Variants in FTO observed in about 807,000 individuals in gnomAD.
The protein encoded by FTO is FTO alpha-ketoglutarate dependent dioxygenase.
A neutral mutation model predicts 63.9 loss-of-function variants in FTO; 47 were observed. That is an observed-to-expected ratio of 0.74 (90% CI 0.58 to 0.94). The LOEUF is 0.94. FTO is among the 40% of genes least tolerant of loss of function. The pLI is 0.00. For synonymous variants in FTO, 207 were observed against 224.4 expected (o/e 0.92, Z 0.69); for missense variants, 562 against 618.1 (o/e 0.91, Z 0.96).
chr16:53,791,671 G>C (rs1459925949), intron 1 of FTO, among the ~76,000 whole-genome samples: 3 of 152,172 alleles, frequency 2.0e-5, no homozygotes, highest in Non-Finnish European at 2.9e-5. Flanking sequence ...TGATATAATT[G>C]CAAGAGGAAA....
intron 2 of FTO, among the ~76,000 whole-genome samples, chr16:53,818,498 G>A (rs1033184388): frequency 4.2e-4 from 64 of 151,860 alleles, no homozygotes; most frequent in African/African-American, 1.5e-3. Flanking sequence ...TTTTAGTGCA[G>A]CATCTTCACT....
chr16:53,976,592 G>A (rs1409278579), intron 8 of FTO, among the ~76,000 whole-genome samples: 4 of 151,950 alleles, frequency 2.6e-5, no homozygotes, highest in Non-Finnish European at 5.9e-5. Flanking sequence ...GATTCCGATA[G>A]TCAGATTCCA....
At chr16:54,012,196 A>G (rs531738448) in intron 8 of FTO, among the ~76,000 whole-genome samples, 1 of 152,220 alleles carries the variant, frequency 6.6e-6, no homozygotes, top group Non-Finnish European at 1.5e-5. Context: ...AGAAAGGGAA[A>G]AACAGCCTTG....
chr16:53,794,156 A>G (rs748911181), intron 1 of FTO, among the ~76,000 whole-genome samples: 3 of 152,194 alleles, frequency 2.0e-5, no homozygotes, highest in African/African-American at 4.8e-5. Flanking sequence ...TAATTTCACA[A>G]TGTGAATCAG....
At chr16:53,923,367 A>G (rs1356857804) in intron 7 of FTO, among the ~76,000 whole-genome samples, 8 of 152,350 alleles carry the variant, frequency 5.3e-5, no homozygotes, top group Non-Finnish European at 1.2e-4. Flanking sequence ...GGGCTGTGCT[A>G]TACTAGCTCT....
At chr16:53,863,084 G>T (rs1278749024) in intron 4 of FTO, among the ~76,000 whole-genome samples, 1 of 152,164 alleles carries the variant, frequency 6.6e-6, no homozygotes, top group Non-Finnish European at 1.5e-5. Context: ...GTTGCCAGTG[G>T]TTTTTTCTGA....
intron 8 of FTO, among the ~76,000 whole-genome samples, chr16:54,097,511 A>G (rs1399901707): frequency 3.9e-5 from 6 of 151,990 alleles, no homozygotes; most frequent in African/African-American, 1.4e-4. Context: ...ATGCCCAGCT[A>G]TTACTTCTTC....
intron 8 of FTO, among the ~76,000 whole-genome samples, chr16:53,954,057 T>A (rs2082863924): frequency 6.6e-6 from 1 of 152,230 alleles, no homozygotes; most frequent in Non-Finnish European, 1.5e-5. Flanking sequence ...GAAAGTGTAG[T>A]GCCCAGTAGT....
chr16:53,913,433 A>T (rs561023735), intron 7 of FTO, among the ~76,000 whole-genome samples: 2 of 152,340 alleles, frequency 1.3e-5, no homozygotes, highest in African/African-American at 4.8e-5. Context: ...ACCCTGGAGC[A>T]TGAAACTGTT....
intron 8 of FTO, among the ~76,000 whole-genome samples, chr16:53,954,675 C>T (rs575720814): frequency 6.6e-5 from 10 of 152,096 alleles, no homozygotes; most frequent in South Asian, 2.1e-4. Flanking sequence ...AGTAAAGAGA[C>T]GACGGTTTCA....
At chr16:54,074,050 A>C (rs2540769) in intron 8 of FTO, among the ~76,000 whole-genome samples, 40,465 of 151,718 alleles carry the variant, frequency 0.27, 8,369 homozygotes, top group African/African-American at 0.58. Flanking sequence ...TTTTATCAGG[A>C]CTTGCTGATC....
At position 53,786,009 on chromosome 16, in the gene FTO, G is replaced by A. The variant is rs180970702; in HGVS notation, c.46-24131G>A. Among the ~76,000 whole-genome samples the A allele has an allele frequency of 3.7e-3, 562 of 152,092 alleles. 4 individuals carry two copies. The highest frequency in any genetic ancestry group is 0.024 in the Middle Eastern group (7 of 294). On this transcript the variant is annotated intron_variant, in intron 1 of 8. Transcript: ENST00000471389. ...AAGAAGGTAAAAGTTTTTAAGCAAG[G>A]GAATGACATGATTTGACCTACTTTT...
chr16:53,726,035 G>A (rs973707460), intron 1 of FTO, among the ~76,000 whole-genome samples: 12 of 152,132 alleles, frequency 7.9e-5, no homozygotes, highest in East Asian at 7.7e-4. Flanking sequence ...CAGGTTATAT[G>A]TTAATGCACA....
At chr16:53,948,611 G>T (rs1282542645) in intron 8 of FTO, among the ~76,000 whole-genome samples, 1 of 152,236 alleles carries the variant, frequency 6.6e-6, no homozygotes, top group Admixed American at 6.5e-5. Flanking sequence ...GAGGAGGCAG[G>T]ATCTATGTTA....
chr16:53,898,928 G>A (rs935679258), intron 7 of FTO, among the ~76,000 whole-genome samples: 28 of 152,208 alleles, frequency 1.8e-4, no homozygotes, highest in African/African-American at 6.5e-4. Context: ...TCTCACCTTG[G>A]CCTCACAGAG....
At chr16:53,960,720 G>A (rs554811826) in intron 8 of FTO, among the ~76,000 whole-genome samples, 55 of 151,936 alleles carry the variant, frequency 3.6e-4, no homozygotes, top group African/African-American at 1.3e-3. Context: ...ATGGGGGTGG[G>A]GGGGGCGCGG....
intron 8 of FTO, among the ~76,000 whole-genome samples, chr16:54,035,300 C>T (rs1248740610): frequency 2.0e-5 from 3 of 152,180 alleles, no homozygotes; most frequent in Non-Finnish European, 4.4e-5. Context: ...CCCTACGAGG[C>T]TCCTTCTTCA....
At chr16:53,956,106 A>T (rs1447688660) in intron 8 of FTO, among the ~76,000 whole-genome samples, 1 of 152,218 alleles carries the variant, frequency 6.6e-6, no homozygotes, top group African/African-American at 2.4e-5. Flanking sequence ...TTTCATCCCC[A>T]TGTTATAGAT....
At chr16:53,862,855 T>G (rs1488462631) in intron 4 of FTO, among the ~76,000 whole-genome samples, 1 of 152,176 alleles carries the variant, frequency 6.6e-6, no homozygotes, top group African/African-American at 2.4e-5. Context: ...TGTATTTTAC[T>G]TCCATTCTGT....
Sources: allele counts gnomAD v4.1 joint callset (sites outside exome capture counted in the v4.1 genomes callset), GRCh38; gene constraint gnomAD v4.1.1; transcripts MANE v1.5; gene names NCBI Gene and HGNC (gene_info 2026-07-23, HGNC 2026-07-21).